The following SLC4A4 variants were observed in gnomAD, a reference collection of about 807,000 sequenced individuals.
SLC4A4 encodes solute carrier family 4 member 4, also known as electrogenic sodium bicarbonate cotransporter 1.
Under a neutral mutation model 111.5 loss-of-function variants are expected in SLC4A4, and 27 were observed. That is an observed-to-expected ratio of 0.24 (90% CI 0.18 to 0.33). The LOEUF is 0.33. SLC4A4 is among the 10% of genes least tolerant of loss of function. SLC4A4 has a pLI of 1.00. For synonymous variants in SLC4A4, 443 were observed against 463.4 expected, an observed-to-expected ratio of 0.96 and a Z score of 0.57; for missense variants, 909 against 1,315.5, an observed-to-expected ratio of 0.69 and a Z score of 4.78.
intron 12 of SLC4A4, among the ~76,000 whole-genome samples, chr4:71,466,204 A>G (rs1230264401): frequency 6.6e-6 from 1 of 152,126 alleles, no homozygotes; most frequent in Non-Finnish European, 1.5e-5. Context: ...CATAGTAATT[A>G]TAGTGCTTTA....
intron 2 of SLC4A4, among the ~76,000 whole-genome samples, chr4:71,178,291 A>C (rs1745160356): frequency 6.6e-6 from 1 of 152,148 alleles, no homozygotes; most frequent in South Asian, 2.1e-4. Flanking sequence ...ATAAAAAAAA[A>C]AGAACTAGAG....
intron 5 of SLC4A4, among the ~76,000 whole-genome samples, chr4:71,354,579 T>C (rs1311421294): frequency 1.3e-5 from 2 of 152,220 alleles, no homozygotes; most frequent in African/African-American, 4.8e-5. Flanking sequence ...TTTATATATT[T>C]TTGGCCCTTT....
At chr4:71,215,790 A>C (rs1363082400) in intron 1 of SLC4A4, among the ~76,000 whole-genome samples, 5 of 152,218 alleles carry the variant, frequency 3.3e-5, no homozygotes, top group African/African-American at 1.2e-4. Context: ...GGTGCTCAAC[A>C]AACGATACAT....
intron 13 of SLC4A4, among the ~76,000 whole-genome samples, chr4:71,466,968 A>AGG (rs1727415084): frequency 1.0e-5 from 1 of 95,238 alleles, no homozygotes; most frequent in Admixed American, 9.7e-5. Context: ...AGAGAGAGGG[A>AGG]GAGAGAGAGA....
chr4:71,466,473 T>G lies in SLC4A4; in HGVS notation c.1527T>G (p.Ala509=). 6.2e-7 allele frequency: 1 copy of G among 1,613,738 alleles called. No individual in the cohort carries two copies. Among genetic ancestry groups the G allele is most frequent in the Non-Finnish European group, 8.5e-7 (1 of 1,179,700 alleles). ...TGTTGGAGAGTTTCCTGGGCACTGC[T>G]GTCTCTGGAGCCATCTTTTGCCTTT... is the stretch of plus-strand genomic sequence containing the variant. ...QGVLESFLGT[A]VSGAIFCLFA... The change falls in exon 13 of 26, where the codon GCT becomes GCG. Residue 509 remains alanine (A), a synonymous_variant. Transcript: ENST00000264485.
intron 9 of SLC4A4, among the ~76,000 whole-genome samples, chr4:71,449,208 G>A (rs531264366): frequency 5.9e-5 from 9 of 152,222 alleles, no homozygotes; most frequent in African/African-American, 1.9e-4. Context: ...ATGGTAAAAC[G>A]ACATTGCCTA....
chr4:71,563,871 G>T lies in SLC4A4; in HGVS notation c.3178G>T (p.Asp1060Tyr), dbSNP rs1269398719. The T allele has an allele frequency of 6.2e-7, 1 of 1,608,820 alleles. No homozygotes were observed. Among genetic ancestry groups the T allele is most frequent in the Non-Finnish European group, 8.5e-7 (1 of 1,175,960 alleles). The change falls in exon 24 of 26, where the codon GAT (aspartate) becomes TAT (tyrosine). Residue 1060 changes from aspartate (D) to tyrosine (Y), a missense_variant. By Grantham distance (160) the Asp-to-Tyr change is radical. Around this residue, in one of 7 missense-constraint regions of SLC4A4, gnomAD observed 85 missense variants for 79.8 expected, o/e 1.07. Transcript: ENST00000264485. ...DIMEQQPFLS[D>Y]SKPSDRERSP... The stretch of plus-strand genomic sequence containing the variant: ...CATGGAACAGCAACCTTTCCTAAGC[G>T]ATAGCAAACCTTCTGACAGTGAGTA...
intron 25 of SLC4A4, 49 bp downstream of exon 25, chr4:71,567,132 A>G (rs1212433729): frequency 7.1e-7 from 1 of 1,405,140 alleles, no homozygotes; most frequent in South Asian, 1.2e-5. Context: ...TAATTGCCCC[A>G]CAGAAATGTA....
intron 14 of SLC4A4, among the ~76,000 whole-genome samples, chr4:71,480,562 A>G (rs1352041497): frequency 6.6e-6 from 1 of 151,712 alleles, no homozygotes; most frequent in Admixed American, 6.6e-5. Flanking sequence ...CTTAATCAAA[A>G]GGTACTAGTG....
chr4:71,082,092 AATTAGTTGT>A (rs1278542608), intron 1 of SLC4A4, among the ~76,000 whole-genome samples: 1 of 151,926 alleles, frequency 6.6e-6, no homozygotes, highest in Non-Finnish European at 1.5e-5. Context: ...TCCTCCACTT[AATTAGTTGT>A]ATATATGTTA....
chr4:71,456,596 C>T (rs1212634251), intron 12 of SLC4A4, among the ~76,000 whole-genome samples: 1 of 152,094 alleles, frequency 6.6e-6, no homozygotes, highest in Non-Finnish European at 1.5e-5. Context: ...GGTCATTTTA[C>T]AGGTCTATGG....
intron 2 of SLC4A4, among the ~76,000 whole-genome samples, chr4:71,146,470 G>A (rs1051385454): frequency 1.3e-5 from 2 of 152,088 alleles, no homozygotes; most frequent in Non-Finnish European, 2.9e-5. Flanking sequence ...AGGTCCGCTT[G>A]GTGCAGAGCT....
At chr4:71,233,016 G>C (rs1005638396) in intron 1 of SLC4A4, among the ~76,000 whole-genome samples, 7 of 152,354 alleles carry the variant, frequency 4.6e-5, no homozygotes, top group Middle Eastern at 3.4e-3. Flanking sequence ...TTGTGCTTCT[G>C]AGGTCTTTTA....
chr4:71,288,235 T>C (rs2149098952), intron 3 of SLC4A4, among the ~76,000 whole-genome samples: 1 of 152,228 alleles, frequency 6.6e-6, no homozygotes, highest in South Asian at 2.1e-4. Context: ...TTGAAAGCCA[T>C]GAGTGACGGA....
At chr4:71,515,423 C>T (rs1732296507) in intron 16 of SLC4A4, among the ~76,000 whole-genome samples, 1 of 152,094 alleles carries the variant, frequency 6.6e-6, no homozygotes, top group Non-Finnish European at 1.5e-5. Flanking sequence ...ATTCCATGTG[C>T]TGATGAAAGA....
chr4:71,313,199 T>G (rs1021377592), intron 3 of SLC4A4, among the ~76,000 whole-genome samples: 4 of 152,036 alleles, frequency 2.6e-5, no homozygotes, highest in African/African-American at 9.7e-5. Context: ...GAGAATAAAA[T>G]ACCGAGGAAT....
chr4:71,105,358 A>G (rs1326518411), intron 2 of SLC4A4, among the ~76,000 whole-genome samples: 1 of 149,450 alleles, frequency 6.7e-6, no homozygotes, highest in Non-Finnish European at 1.5e-5. Flanking sequence ...AAGGTAATTT[A>G]TAGATTCAAT....
chr4:71,497,793 A>G (rs1232281774), intron 16 of SLC4A4, 101 bp downstream of exon 16: 4 of 970,468 alleles, frequency 4.1e-6, no homozygotes, highest in Non-Finnish European at 6.5e-6. Flanking sequence ...CAATGTGTCC[A>G]ATATAATTTT....
intron 2 of SLC4A4, among the ~76,000 whole-genome samples, chr4:71,100,667 G>A (rs960998213): frequency 6.6e-6 from 1 of 152,192 alleles, no homozygotes; most frequent in Admixed American, 6.5e-5. Context: ...GTCCCTGTTT[G>A]CAGATGGCAT....
Sources: gnomAD v4.1 joint callset for allele counts (sites outside exome capture counted in the v4.1 genomes callset) on GRCh38, gnomAD v4.1.1 for gene constraint, gnomAD v4.1.1 regional missense constraint, MANE v1.5 for transcripts, NCBI Gene and HGNC (gene_info 2026-07-23, HGNC 2026-07-21) for gene names.